Variants in TRAPPC9 observed in about 807,000 individuals in gnomAD.
TRAPPC9 encodes the protein IKK2 binding protein.
TRAPPC9 carries 83 observed loss-of-function variants against 124.0 expected under a neutral mutation model. The observed-to-expected ratio is 0.67, with a 90% confidence interval of 0.56 to 0.80. The LOEUF (loss-of-function observed/expected upper bound fraction) is 0.80, where lower values mean the gene tolerates loss of function less well. Among genes scored for constraint, TRAPPC9 ranks in the 30% least tolerant of loss-of-function variants. TRAPPC9 has a pLI of 0.00. For synonymous variants in TRAPPC9, 638 were observed against 617.5 expected, an observed-to-expected ratio of 1.03 and a Z score of -0.49; for missense variants, 1,302 against 1,508.3, an observed-to-expected ratio of 0.86 and a Z score of 2.27.
intron 21 of TRAPPC9, among the ~76,000 whole-genome samples, chr8:139,844,815 C>T (rs1208209639): frequency 6.6e-6 from 1 of 152,220 alleles, no homozygotes; most frequent in African/African-American, 2.4e-5. Flanking sequence ...CTCAGAAGGT[C>T]CAAGTTGCTT....
At chr8:140,419,083 G>T (rs543777430) in intron 5 of TRAPPC9, among the ~76,000 whole-genome samples, 1 of 152,146 alleles carries the variant, frequency 6.6e-6, no homozygotes, top group South Asian at 2.1e-4. Context: ...CACAAGGTCA[G>T]GAGATCGAGA....
chr8:139,763,831 G>A (rs1437749357), intron 21 of TRAPPC9, among the ~76,000 whole-genome samples: 1 of 152,234 alleles, frequency 6.6e-6, no homozygotes, highest in East Asian at 1.9e-4. Flanking sequence ...TGTTCCAGCA[G>A]GCCAGTGATG....
intron 19 of TRAPPC9, among the ~76,000 whole-genome samples, chr8:139,967,963 A>T (rs925843306): frequency 6.6e-6 from 1 of 152,066 alleles, no homozygotes; most frequent in African/African-American, 2.4e-5. Flanking sequence ...ACATGGTGAA[A>T]CCCTGTCTCT....
At chr8:139,781,938 C>T (rs779438342) in intron 21 of TRAPPC9, among the ~76,000 whole-genome samples, 2 of 151,962 alleles carry the variant, frequency 1.3e-5, no homozygotes, top group Non-Finnish European at 2.9e-5. Context: ...TATACTTAAA[C>T]CTAAGTATAT....
intron 17 of TRAPPC9, among the ~76,000 whole-genome samples, chr8:140,093,854 C>T (rs1475177007): frequency 6.6e-6 from 1 of 152,158 alleles, no homozygotes; most frequent in East Asian, 1.9e-4. Context: ...ACCATGGCCA[C>T]ACACCTAATT....
In TRAPPC9 at chr8:139,955,600, G is replaced by A. The variant is rs566991470; in HGVS notation, c.2810+33126C>T. 1.1e-4 allele frequency among the ~76,000 whole-genome samples: 17 copies of A among 152,296 alleles called. No individual in the cohort carries two copies. In the East Asian group the frequency reaches 3.3e-3, roughly 29 times the overall value. The stretch of plus-strand genomic sequence containing the variant: ...GGCAGCCAGTCCAGAAACAGGCAAT[G>A]CAGGATTCCTCGAGAACTGCACAAT... On this transcript the variant is annotated intron_variant, in intron 19 of 22. Transcript: ENST00000438773.
At chr8:140,347,280 T>A (rs1257045974) in intron 9 of TRAPPC9, among the ~76,000 whole-genome samples, 1 of 152,218 alleles carries the variant, frequency 6.6e-6, no homozygotes, top group Non-Finnish European at 1.5e-5. Context: ...CCCAGCCACC[T>A]GCCTGCCTCA....
intron 17 of TRAPPC9, among the ~76,000 whole-genome samples, chr8:140,116,691 C>T (rs772208372): frequency 1.3e-5 from 2 of 152,100 alleles, no homozygotes; most frequent in Non-Finnish European, 2.9e-5. Flanking sequence ...TAACCCCAGG[C>T]GCTGCCCACG....
At chr8:139,997,904 G>A (rs1216080675) in intron 18 of TRAPPC9, among the ~76,000 whole-genome samples, 1 of 137,296 alleles carries the variant, frequency 7.3e-6, no homozygotes, top group Non-Finnish European at 1.6e-5. Flanking sequence ...TCCCACACAG[G>A]GGAGACAATG....
intron 21 of TRAPPC9, among the ~76,000 whole-genome samples, chr8:139,757,118 C>A: frequency 7.9e-6 from 1 of 127,226 alleles, no homozygotes; most frequent in Non-Finnish European, 1.6e-5. Context: ...CAGCATGTCG[C>A]AGGAGGAGCC....
At chr8:140,321,900 G>A (rs1053633257) in intron 9 of TRAPPC9, among the ~76,000 whole-genome samples, 1 of 152,188 alleles carries the variant, frequency 6.6e-6, no homozygotes, top group South Asian at 2.1e-4. Flanking sequence ...TGCCCTGAGG[G>A]GCACTATGCT....
chr8:139,760,903 C>T (rs1253329023), intron 21 of TRAPPC9, among the ~76,000 whole-genome samples: 3 of 152,168 alleles, frequency 2.0e-5, no homozygotes, highest in Non-Finnish European at 4.4e-5. Context: ...ACCGGAGCTA[C>T]AAAATGAGAT....
intron 17 of TRAPPC9, among the ~76,000 whole-genome samples, chr8:140,029,493 A>G (rs1840367682): frequency 6.6e-6 from 1 of 152,188 alleles, no homozygotes; most frequent in Non-Finnish European, 1.5e-5. Flanking sequence ...CGACAGAGCA[A>G]GACTCTGTCT....
intron 19 of TRAPPC9, among the ~76,000 whole-genome samples, chr8:139,930,521 G>A (rs1833076773): frequency 6.6e-6 from 1 of 152,158 alleles, no homozygotes. Context: ...CATCAGACAG[G>A]AGATAGTCAC....
intron 9 of TRAPPC9, among the ~76,000 whole-genome samples, chr8:140,341,723 C>T (rs1588178398): frequency 6.6e-6 from 1 of 150,678 alleles, no homozygotes; most frequent in Non-Finnish European, 1.5e-5. Flanking sequence ...TTTCTTCTAC[C>T]AAAAGGTGTC....
At chr8:140,031,203 A>G (rs1840474973) in intron 17 of TRAPPC9, among the ~76,000 whole-genome samples, 1 of 152,200 alleles carries the variant, frequency 6.6e-6, no homozygotes, top group Admixed American at 6.5e-5. Flanking sequence ...GCATCAGAAG[A>G]AACAGCAGTG....
intron 11 of TRAPPC9, among the ~76,000 whole-genome samples, chr8:140,297,771 G>A (rs999043427): frequency 4.6e-5 from 7 of 152,230 alleles, no homozygotes; most frequent in Non-Finnish European, 8.8e-5. Context: ...CCTGCTGACA[G>A]ATGTACAGTT....
intron 17 of TRAPPC9, among the ~76,000 whole-genome samples, chr8:140,142,570 T>C (rs922522357): frequency 6.6e-6 from 1 of 152,244 alleles, no homozygotes; most frequent in African/African-American, 2.4e-5. Flanking sequence ...AGGAGGTGGC[T>C]GATTCCCACC....
chr8:140,372,685 T>A (rs1169112665), intron 7 of TRAPPC9, among the ~76,000 whole-genome samples: 1 of 152,106 alleles, frequency 6.6e-6, no homozygotes, highest in Non-Finnish European at 1.5e-5. Context: ...AGTGCCCTTA[T>A]AAGAAGAGAC....
Sources: gnomAD v4.1 joint callset for allele counts (sites outside exome capture counted in the v4.1 genomes callset) on GRCh38, gnomAD v4.1.1 for gene constraint, MANE v1.5 for transcripts, NCBI Gene and HGNC (gene_info 2026-07-23, HGNC 2026-07-21) for gene names.